EBF2: variants seen among roughly 807,000 people sequenced by gnomAD.
EBF2 encodes the protein transcription factor COE2.
Under a neutral mutation model 72.8 loss-of-function variants are expected in EBF2, and 21 were observed. That is an observed-to-expected ratio of 0.29 (90% CI 0.20 to 0.42). The LOEUF (loss-of-function observed/expected upper bound fraction) is 0.42, where lower values mean the gene tolerates loss of function less well. Ranked by LOEUF, EBF2 falls within the 10% of genes least tolerant of loss-of-function variation. The pLI is 1.00. For missense variants in EBF2, 637 were observed against 731.2 expected (o/e 0.87, Z 1.49); for synonymous variants, 299 against 274.2 (o/e 1.09, Z -0.89).
chr8:25,983,788 AC>A (rs1382495095), intron 6 of EBF2, among the ~76,000 whole-genome samples: 7 of 152,248 alleles, frequency 4.6e-5, no homozygotes, highest in Non-Finnish European at 7.3e-5. Flanking sequence ...ATCAGCTGAC[AC>A]CCGAGTGCTG....
intron 3 of EBF2, 22 bp from the exon 4 acceptor site, chr8:26,040,693 G>C (rs1324078585): frequency 2.6e-6 from 4 of 1,553,238 alleles, no homozygotes; most frequent in Non-Finnish European, 2.6e-6. Context: ...GGAGGGGCAC[G>C]AGTCAAGGGC....
In EBF2 at chr8:26,044,973, TCAAGTGCC is replaced by T; in HGVS notation, c.-122_-115del. 1 of 1,179,404 alleles carries T rather than the reference TCAAGTGCC, an allele frequency of 8.5e-7. No individual in the cohort carries two copies. The highest frequency in any genetic ancestry group is 1.2e-6 in the Non-Finnish European group (1 of 850,554). 73.1% of individuals were successfully genotyped at this position (1,179,404 alleles called of 1,614,324 possible). A position where few individuals can be genotyped will look rare whatever the true frequency, so the allele number is the denominator to read the frequency against. ...CTCCAAAGCAATCCAAGAAAAGGGATCAAGTGCCCAAGTTTGAGTCTTAGAAAAAAAAA... is the reference window on the plus strand; with the variant it reads ...CTCCAAAGCAATCCAAGAAAAGGGATCAAGTTTGAGTCTTAGAAAAAAAAA... On this transcript the variant is annotated 5_prime_UTR_variant, in exon 1 of 16. Coordinates refer to ENST00000520164, the MANE Select transcript of EBF2 (RefSeq NM_022659.4). The surrounding 1 kb of genome is among the most constrained non-coding windows in gnomAD (Gnocchi z 4.1).
intron 6 of EBF2, among the ~76,000 whole-genome samples, chr8:25,916,644 A>G (rs1803221994): frequency 6.6e-6 from 1 of 152,188 alleles, no homozygotes; most frequent in Admixed American, 6.5e-5. Context: ...AGTAAAAGAA[A>G]AAAAAACCAC....
At chr8:25,853,296 T>C (rs1436157223) in intron 14 of EBF2, among the ~76,000 whole-genome samples, 2 of 152,110 alleles carry the variant, frequency 1.3e-5, no homozygotes, top group African/African-American at 4.8e-5. Context: ...GTAATACTTA[T>C]TTAGATATGT....
chr8:25,887,797 C>T, intron 9 of EBF2, 45 bp downstream of exon 9: 1 of 1,492,522 alleles, frequency 6.7e-7, no homozygotes. Context: ...TCAAAACAAT[C>T]TTTGGGCAAA....
intron 6 of EBF2, among the ~76,000 whole-genome samples, chr8:25,939,668 C>T (rs1803637162): frequency 6.6e-6 from 1 of 152,184 alleles, no homozygotes; most frequent in Non-Finnish European, 1.5e-5. Context: ...TCCAAGTTCC[C>T]ATCATACTCT....
chr8:25,915,592 T>C (rs1803200515), intron 6 of EBF2, among the ~76,000 whole-genome samples: 1 of 119,888 alleles, frequency 8.3e-6, no homozygotes, highest in African/African-American at 3.2e-5. Context: ...ATAGCCCAAA[T>C]AGCTTCAGCC....
At chr8:26,025,305 G>A (rs76396348) in intron 6 of EBF2, among the ~76,000 whole-genome samples, 63 of 152,226 alleles carry the variant, frequency 4.1e-4, no homozygotes, top group African/African-American at 1.4e-3. Flanking sequence ...TTTTTTGTGT[G>A]CTTATTTACG....
chr8:25,988,313 T>A (rs146156638), intron 6 of EBF2, among the ~76,000 whole-genome samples: 5 of 152,370 alleles, frequency 3.3e-5, no homozygotes, highest in African/African-American at 1.2e-4. Flanking sequence ...CAGCCATTAG[T>A]GAGCCCCTAC....
intron 6 of EBF2, among the ~76,000 whole-genome samples, chr8:25,938,735 G>A (rs1401812202): frequency 6.6e-6 from 1 of 152,150 alleles, no homozygotes. Context: ...AGACTCCAGG[G>A]CTGGATTCTA....
intron 11 of EBF2, among the ~76,000 whole-genome samples, chr8:25,862,491 A>T (rs575330751): frequency 3.9e-5 from 6 of 152,176 alleles, no homozygotes; most frequent in Non-Finnish European, 8.8e-5. Context: ...CCTGTCGTGT[A>T]TCTGTTTAAT....
chr8:25,958,513 C>CA (rs759675403), intron 6 of EBF2, among the ~76,000 whole-genome samples: 8 of 152,130 alleles, frequency 5.3e-5, no homozygotes, highest in Non-Finnish European at 1.0e-4. Context: ...TTATCACTGA[C>CA]ACCTCTCTGC....
chr8:25,995,193 C>T (rs1056192434), intron 6 of EBF2, among the ~76,000 whole-genome samples: 6 of 152,104 alleles, frequency 3.9e-5, no homozygotes, highest in African/African-American at 1.4e-4. Flanking sequence ...GTAATCCCAG[C>T]TACTTGGGAG....
At chr8:25,932,776 C>T (rs1803505792) in intron 6 of EBF2, among the ~76,000 whole-genome samples, 1 of 151,856 alleles carries the variant, frequency 6.6e-6, no homozygotes, top group African/African-American at 2.4e-5. Flanking sequence ...AATGAGAGTA[C>T]TGATTAGTAA....
chr8:26,035,357 C>T (rs1183761206), intron 5 of EBF2, among the ~76,000 whole-genome samples: 1 of 151,932 alleles, frequency 6.6e-6, no homozygotes, highest in African/African-American at 2.4e-5. Flanking sequence ...GCTGTGTTGC[C>T]CAGGCTGATC....
At chr8:25,922,266 AC>A (rs200958788) in intron 6 of EBF2, among the ~76,000 whole-genome samples, 6 of 152,012 alleles carry the variant, frequency 3.9e-5, no homozygotes, top group South Asian at 2.1e-4. Context: ...AAAAAAACAA[AC>A]AAAAAAAACA....
At chr8:25,970,155 G>T (rs537122033) in intron 6 of EBF2, among the ~76,000 whole-genome samples, 22 of 152,276 alleles carry the variant, frequency 1.4e-4, no homozygotes, top group African/African-American at 5.1e-4. Context: ...ACCCAGAGAG[G>T]CAGTTGCAGA....
At chr8:25,896,814 A>G (rs1301803390) in intron 7 of EBF2, among the ~76,000 whole-genome samples, 1 of 152,170 alleles carries the variant, frequency 6.6e-6, no homozygotes, top group African/African-American at 2.4e-5. Context: ...AGTTTTGTCT[A>G]AGCCTCCATT....
chr8:25,849,530 T>C (rs1166946440), intron 15 of EBF2, among the ~76,000 whole-genome samples: 1 of 152,158 alleles, frequency 6.6e-6, no homozygotes, highest in African/African-American at 2.4e-5. Flanking sequence ...CCCTTTTTAG[T>C]TTTACCCAAC....
Sources: allele counts gnomAD v4.1 joint callset (sites outside exome capture counted in the v4.1 genomes callset), GRCh38; gene constraint gnomAD v4.1.1; non-coding constraint Gnocchi (gnomAD v3.1); transcripts MANE v1.5; gene names NCBI Gene and HGNC (gene_info 2026-07-23, HGNC 2026-07-21).